The following MAGI2 variants were observed in gnomAD, a reference collection of about 807,000 sequenced individuals.
MAGI2 encodes membrane-associated guanylate kinase, WW and PDZ domain-containing protein 2.
A neutral mutation model predicts 133.3 loss-of-function variants in MAGI2; 35 were observed. That is an observed-to-expected ratio of 0.26 (90% CI 0.20 to 0.35). MAGI2 has a LOEUF of 0.35. Ranked by LOEUF, MAGI2 falls within the 10% of genes least tolerant of loss-of-function variation. The pLI is 1.00. For missense variants in MAGI2, 1,636 were observed against 1,863.4 expected (o/e 0.88, Z 2.25); for synonymous variants, 729 against 710.6 (o/e 1.03, Z -0.41).
chr7:79,097,324 A>G (rs1353001389), intron 1 of MAGI2, among the ~76,000 whole-genome samples: 1 of 152,234 alleles, frequency 6.6e-6, no homozygotes, highest in Non-Finnish European at 1.5e-5. Context: ...AACAGAAAAT[A>G]TCATTGAAAT....
At chr7:78,755,818 C>T (rs540357261) in intron 2 of MAGI2, among the ~76,000 whole-genome samples, 87 of 152,320 alleles carry the variant, frequency 5.7e-4, no homozygotes, top group African/African-American at 1.9e-3. Flanking sequence ...AACACCCCAG[C>T]TCAATAAACA....
chr7:79,171,770 A>ATATATATATATATATTTTTTT, intron 1 of MAGI2, among the ~76,000 whole-genome samples: 22 of 31,194 alleles, frequency 7.1e-4, no homozygotes, highest in Non-Finnish European at 1.2e-3. Flanking sequence ...ATATATATAT[A>ATATATATATATATATTTTTTT]TTTTTTTTTT....
At chr7:78,623,250 T>C (rs1039176316) in intron 3 of MAGI2, among the ~76,000 whole-genome samples, 1 of 152,072 alleles carries the variant, frequency 6.6e-6, no homozygotes, top group African/African-American at 2.4e-5. Context: ...GTTACTCTTT[T>C]AATGATCTGA....
At chr7:78,563,597 G>A (rs2150744897) in intron 3 of MAGI2, among the ~76,000 whole-genome samples, 1 of 152,330 alleles carries the variant, frequency 6.6e-6, no homozygotes, top group South Asian at 2.1e-4. Flanking sequence ...GTCATCCACA[G>A]CCATGTTTTA....
intron 1 of MAGI2, among the ~76,000 whole-genome samples, chr7:79,109,840 T>C (rs1364565276): frequency 1.3e-5 from 2 of 149,260 alleles, no homozygotes; most frequent in African/African-American, 4.9e-5. Context: ...GAAATCTAGG[T>C]GGAGGCCACC....
chr7:79,296,615 G>A (rs1373976961), intron 1 of MAGI2, among the ~76,000 whole-genome samples: 1 of 152,132 alleles, frequency 6.6e-6, no homozygotes, highest in Non-Finnish European at 1.5e-5. Flanking sequence ...AGCTCATAAT[G>A]GGAAATTGCA....
intron 2 of MAGI2, among the ~76,000 whole-genome samples, chr7:78,693,203 G>A (rs1490720582): frequency 6.6e-6 from 1 of 152,172 alleles, no homozygotes; most frequent in Non-Finnish European, 1.5e-5. Flanking sequence ...TTCCTTGTCT[G>A]AAAAGGATGG....
In MAGI2 at chr7:79,326,660, A is replaced by ATT. The variant is rs11461411; in HGVS notation, c.301+126358_301+126359dup. Among the ~76,000 whole-genome samples the ATT allele has an allele frequency of 3.6e-3, 541 of 148,924 alleles. 4 individuals are homozygous for ATT. Among genetic ancestry groups the ATT allele is most frequent in the African/African-American group, 0.011 (453 of 40,658 alleles). On this transcript the variant is annotated intron_variant, in intron 1 of 21. Coordinates refer to ENST00000354212, the MANE Select transcript of MAGI2 (RefSeq NM_012301.4). Reference sequence around the variant, plus strand: ...AAATTGAGTTCAGTGTCAGTGATACATTTTTTTTTTTTTCAGATACTATGT... The same window carrying ATT: ...AAATTGAGTTCAGTGTCAGTGATACATTTTTTTTTTTTTTTCAGATACTATGT...
intron 9 of MAGI2, among the ~76,000 whole-genome samples, chr7:78,340,877 T>C (rs1202621270): frequency 6.6e-6 from 1 of 152,140 alleles, no homozygotes; most frequent in Non-Finnish European, 1.5e-5. Flanking sequence ...ATGGGAAGCA[T>C]TCCTTTTGAA....
At chr7:78,790,668 A>G (rs1405827536) in intron 2 of MAGI2, among the ~76,000 whole-genome samples, 1 of 152,146 alleles carries the variant, frequency 6.6e-6, no homozygotes, top group Non-Finnish European at 1.5e-5. Context: ...TCCTGACCTC[A>G]GGTGATCCAC....
intron 2 of MAGI2, among the ~76,000 whole-genome samples, chr7:78,938,433 T>C (rs190922026): frequency 6.6e-6 from 1 of 152,264 alleles, no homozygotes; most frequent in Non-Finnish European, 1.5e-5. Flanking sequence ...GTCCTATCTA[T>C]GATGCATATA....
At chr7:78,266,253 T>C (rs1329786903) in intron 9 of MAGI2, among the ~76,000 whole-genome samples, 2 of 152,168 alleles carry the variant, frequency 1.3e-5, no homozygotes, top group Non-Finnish European at 2.9e-5. Flanking sequence ...CAGGCTAAAG[T>C]GTAGTGGCAC....
chr7:78,824,073 G>A (rs1790409326), intron 2 of MAGI2, among the ~76,000 whole-genome samples: 1 of 152,132 alleles, frequency 6.6e-6, no homozygotes, highest in South Asian at 2.1e-4. Context: ...TAAGGTTTAG[G>A]CATTTGGTTA....
rs566816402 is a variant in MAGI2, at chr7:78,747,638, A to G, written c.419-120399T>C. On this transcript the variant is annotated intron_variant, in intron 2 of 21. Transcript: ENST00000354212. ...TCAAGGGAGAGTAGTCCACTCTCCT[A>G]GGAGCTGCTCAACTAACGCAGAATC... Among the ~76,000 whole-genome samples the G allele has an allele frequency of 3.2e-4, 48 of 152,294 alleles. 3 individuals are homozygous for G. The South Asian group carries it at 9.9e-3, about 32-fold the overall frequency.
intron 20 of MAGI2, among the ~76,000 whole-genome samples, chr7:78,114,343 C>A (rs1819650510): frequency 6.6e-6 from 1 of 152,182 alleles, no homozygotes; most frequent in Admixed American, 6.5e-5. Flanking sequence ...ATAAACTCAC[C>A]AATGGGTATA....
chr7:79,196,955 T>C (rs61384694), intron 1 of MAGI2, among the ~76,000 whole-genome samples: 1 of 151,006 alleles, frequency 6.6e-6, no homozygotes, highest in South Asian at 2.1e-4. Flanking sequence ...TTTATATATA[T>C]AGAGAGAGAG....
rs190696613 is a variant in MAGI2, at chr7:78,720,917, G to A, written c.419-93678C>T. Among the ~76,000 whole-genome samples the A allele has an allele frequency of 8.7e-4, 132 of 152,158 alleles. 2 individuals carry two copies. The highest frequency in any genetic ancestry group is 1.7e-3 in the Non-Finnish European group (114 of 67,914). On this transcript the variant is annotated intron_variant, in intron 2 of 21. Transcript: ENST00000354212. ...GGATCATAAAATTGTTCCTTCTGGG[G>A]AAATTCTGTGATTTAATGCCACACA...
chr7:78,063,054 T>C (rs1813444032), intron 21 of MAGI2, among the ~76,000 whole-genome samples: 1 of 152,206 alleles, frequency 6.6e-6, no homozygotes, highest in African/African-American at 2.4e-5. Flanking sequence ...AGCCCTCACG[T>C]CATTTGCTTC....
At chr7:78,848,582 C>A (rs952627981) in intron 2 of MAGI2, among the ~76,000 whole-genome samples, 10 of 151,922 alleles carry the variant, frequency 6.6e-5, no homozygotes, top group African/African-American at 2.4e-4. Context: ...AAAGGCTCTT[C>A]ATGACCTACT....
Sources: gnomAD v4.1 joint callset for allele counts (sites outside exome capture counted in the v4.1 genomes callset) on GRCh38, gnomAD v4.1.1 for gene constraint, MANE v1.5 for transcripts, NCBI Gene and HGNC (gene_info 2026-07-23, HGNC 2026-07-21) for gene names.